The following IGSF10 variants were observed in gnomAD, a reference collection of about 807,000 sequenced individuals.
IGSF10 encodes immunoglobulin superfamily member 10, also known as calvaria mechanical force protein 608.
In IGSF10, 126 loss-of-function variants were observed where a neutral mutation model predicts 128.2. The observed-to-expected ratio is 0.98, with a 90% confidence interval of 0.85 to 1.14. IGSF10 has a LOEUF of 1.14. IGSF10 is among the 50% of genes most tolerant of loss of function. The pLI is 0.00. For missense variants in IGSF10, 3,295 were observed against 3,149.8 expected, an observed-to-expected ratio of 1.05 and a Z score of -1.10; for synonymous variants, 1,185 against 1,146.2, an observed-to-expected ratio of 1.03 and a Z score of -0.68.
chr3:151,509,662 C>A, the IGSF10 span, among the ~76,000 whole-genome samples: 166 of 152,308 alleles, frequency 1.1e-3, no homozygotes, highest in Non-Finnish European at 1.8e-3. Flanking sequence ...CGTGCATGAG[C>A]TGAAGCAGGG....
At chr3:151,458,284 C>G (rs1052773001) in intron 3 of IGSF10, among the ~76,000 whole-genome samples, 3 of 152,018 alleles carry the variant, frequency 2.0e-5, no homozygotes, top group African/African-American at 7.3e-5. Context: ...CATGAGTCTC[C>G]CAACCTACCA....
the IGSF10 span, among the ~76,000 whole-genome samples, chr3:151,584,465 G>A: frequency 6.6e-6 from 1 of 151,966 alleles, no homozygotes; most frequent in Admixed American, 6.6e-5. Context: ...TGTTTTATTT[G>A]TCTTACTTAT....
the IGSF10 span, among the ~76,000 whole-genome samples, chr3:151,467,602 G>A: frequency 6.6e-6 from 1 of 152,142 alleles, no homozygotes; most frequent in Non-Finnish European, 1.5e-5. Context: ...AAAAATGGCT[G>A]AGCCGGGCGC....
At chr3:151,613,912 T>C in the IGSF10 span, among the ~76,000 whole-genome samples, 1 of 152,194 alleles carries the variant, frequency 6.6e-6, no homozygotes, top group Non-Finnish European at 1.5e-5. Flanking sequence ...GAGAAAATTT[T>C]TGCAACCTAC....
chr3:151,530,899 A>G, the IGSF10 span, among the ~76,000 whole-genome samples: 1 of 152,048 alleles, frequency 6.6e-6, no homozygotes. Flanking sequence ...TAAATGCCCC[A>G]GTTAAAAGAC....
Position 151,445,773 on chromosome 3 carries a change from C to T in IGSF10, c.4208G>A (p.Gly1403Glu). The change falls in exon 6 of 8, where the codon GGG (glycine) becomes GAG (glutamate). Residue 1403 changes from glycine (G) to glutamate (E), a missense_variant. Coordinates refer to ENST00000282466, the MANE Select transcript of IGSF10 (RefSeq NM_178822.5). The stretch of plus-strand genomic sequence containing the variant: ...ATGAAAACTGATTGTGCTTGAAATC[C>T]CAGTTGTGTTTTCTGGTGGGGAATG... ...FTHSPPENTT[G>E]ISSTISFHSR... 6.2e-7 allele frequency: 1 copy of T among 1,614,134 alleles called. No homozygotes were observed. The highest frequency in any genetic ancestry group is 8.5e-7 in the Non-Finnish European group (1 of 1,180,014).
At chr3:151,550,566 C>T in the IGSF10 span, among the ~76,000 whole-genome samples, 4 of 151,976 alleles carry the variant, frequency 2.6e-5, no homozygotes, top group African/African-American at 4.8e-5. Context: ...TGTTTCTTTT[C>T]GGGGGTGTTT....
the IGSF10 span, among the ~76,000 whole-genome samples, chr3:151,500,924 C>T: frequency 1.3e-5 from 2 of 152,052 alleles, no homozygotes; most frequent in Non-Finnish European, 2.9e-5. Context: ...CCATGCCTGA[C>T]TTCCATCAGG....
chr3:151,512,794 C>A, the IGSF10 span, among the ~76,000 whole-genome samples: 18 of 152,226 alleles, frequency 1.2e-4, no homozygotes, highest in African/African-American at 4.1e-4. Flanking sequence ...CACCACTGAT[C>A]CCACAGAAAT....
At chr3:151,569,120 G>A in the IGSF10 span, among the ~76,000 whole-genome samples, 2 of 152,258 alleles carry the variant, frequency 1.3e-5, no homozygotes, top group East Asian at 1.9e-4. Flanking sequence ...TGTGCAGGCT[G>A]GAGGGCAGTG....
chr3:151,584,734 C>T, the IGSF10 span, among the ~76,000 whole-genome samples: 2 of 152,194 alleles, frequency 1.3e-5, no homozygotes. Flanking sequence ...GTCAGTCCAA[C>T]ATTTTGACAA....
In IGSF10 at chr3:151,446,643, A is replaced by T. The variant is rs985513031; in HGVS notation, c.3338T>A (p.Leu1113His). 1 of 1,614,072 alleles carries T rather than the reference A, an allele frequency of 6.2e-7. No individual in the cohort carries two copies. The highest frequency in any genetic ancestry group is 1.3e-5 in the African/African-American group (1 of 75,024). Residue 1113 changes from leucine (L) to histidine (H), a missense_variant, in exon 6 of 8, where the codon CTT becomes CAT. By Grantham distance (99) the Leu-to-His change is moderately conservative. Transcript: ENST00000282466. ...TTTCTCTACACTGGGTTTGTTCTCAAGTAGTAATAGTGGATTCTGGACTAG... is the reference window on the plus strand; with the variant it reads ...TTTCTCTACACTGGGTTTGTTCTCATGTAGTAATAGTGGATTCTGGACTAG... Reference protein sequence around the residue: ...TTLVQNPLLLLENKPSVEKTT... With the variant: ...TTLVQNPLLLHENKPSVEKTT...
chr3:151,480,537 A>G, the IGSF10 span, among the ~76,000 whole-genome samples: 1 of 152,072 alleles, frequency 6.6e-6, no homozygotes, highest in Non-Finnish European at 1.5e-5. Flanking sequence ...CCTTGCTGCT[A>G]TTGCTCTGCA....
At chr3:151,611,745 G>T in the IGSF10 span, among the ~76,000 whole-genome samples, 1 of 152,138 alleles carries the variant, frequency 6.6e-6, no homozygotes, top group African/African-American at 2.4e-5. Context: ...GCTGTATGTA[G>T]AAAAGCAGCT....
At chr3:151,587,246 G>C in the IGSF10 span, among the ~76,000 whole-genome samples, 1 of 152,118 alleles carries the variant, frequency 6.6e-6, no homozygotes, top group Non-Finnish European at 1.5e-5. Flanking sequence ...TTTAGGATCT[G>C]AATCAGAGTA....
the IGSF10 span, among the ~76,000 whole-genome samples, chr3:151,495,665 C>T: frequency 6.6e-6 from 1 of 151,958 alleles, no homozygotes; most frequent in East Asian, 1.9e-4. Flanking sequence ...TGTCTTTCTA[C>T]CCATTGCTGG....
the IGSF10 span, among the ~76,000 whole-genome samples, chr3:151,473,733 T>C: frequency 6.6e-6 from 1 of 152,174 alleles, no homozygotes; most frequent in Non-Finnish European, 1.5e-5. Context: ...GGGCCCTTTT[T>C]TCCAAGCCCT....
At chr3:151,569,720 A>G in the IGSF10 span, among the ~76,000 whole-genome samples, 1 of 152,110 alleles carries the variant, frequency 6.6e-6, no homozygotes, top group Non-Finnish European at 1.5e-5. Context: ...TCATGGCATT[A>G]TAACTATTTT....
intron 7 of IGSF10, among the ~76,000 whole-genome samples, chr3:151,442,773 T>C (rs778985510): frequency 4.6e-5 from 7 of 152,162 alleles, no homozygotes; most frequent in Non-Finnish European, 7.3e-5. Flanking sequence ...CCCTAAGAAG[T>C]TGACCCTTTG....
Sources: allele counts gnomAD v4.1 joint callset (sites outside exome capture counted in the v4.1 genomes callset), GRCh38; gene constraint gnomAD v4.1.1; transcripts MANE v1.5; gene names NCBI Gene and HGNC (gene_info 2026-07-23, HGNC 2026-07-21).